The following SLC4A4 variants were observed in gnomAD, a reference collection of about 807,000 sequenced individuals.
The protein encoded by SLC4A4 is solute carrier family 4 member 4, also known as electrogenic sodium bicarbonate cotransporter 1.
SLC4A4 carries 27 observed loss-of-function variants against 111.5 expected under a neutral mutation model. The observed-to-expected ratio is 0.24, with a 90% CI of 0.18 to 0.33. The LOEUF (loss-of-function observed/expected upper bound fraction) is 0.33, where lower values mean the gene tolerates loss of function less well. SLC4A4 is among the 10% of genes least tolerant of loss of function. The pLI is 1.00. For synonymous variants in SLC4A4, 443 were observed against 463.4 expected, an observed-to-expected ratio of 0.96 and a Z score of 0.57; for missense variants, 909 against 1,315.5, an observed-to-expected ratio of 0.69 and a Z score of 4.78.
intron 2 of SLC4A4, among the ~76,000 whole-genome samples, chr4:71,111,211 G>A (rs12646876): frequency 0.73 from 110,416 of 152,082 alleles, 42,883 homozygotes; most frequent in Admixed American, 0.85. Context: ...CCTGTGTCCT[G>A]GGGAAATCTC....
At chr4:71,443,773 T>A (rs1724985898) in intron 8 of SLC4A4, among the ~76,000 whole-genome samples, 1 of 152,214 alleles carries the variant, frequency 6.6e-6, no homozygotes, top group South Asian at 2.1e-4. Context: ...TTAGTGGCAC[T>A]GTAAGATAAT....
At position 71,532,136 on chromosome 4, in the gene SLC4A4, C is replaced by A. The variant is rs145593845; in HGVS notation, c.2241C>A (p.Gly747=). The A allele has an allele frequency of 2.2e-5, 35 of 1,612,260 alleles. No individual in the cohort carries two copies. In the African/African-American group the frequency reaches 4.4e-4, roughly 20 times the overall value. Reference sequence around the variant, plus strand: ...TTTGTGTAATAGATGCCCTAGTAGGCGTGGACACCCCAAAACTAATTGTGC... The same window carrying A: ...TTTGTGTAATAGATGCCCTAGTAGGAGTGGACACCCCAAAACTAATTGTGC... ...LIFCVIDALV[G]VDTPKLIVPS... The change falls in exon 17 of 26, where the codon GGC becomes GGA. Residue 747 remains glycine, a synonymous_variant. Transcript: ENST00000264485.
intron 1 of SLC4A4, among the ~76,000 whole-genome samples, chr4:71,199,765 T>C (rs1284095486): frequency 1.3e-5 from 2 of 152,088 alleles, no homozygotes; most frequent in Non-Finnish European, 2.9e-5. Context: ...GTTCTCCTGC[T>C]TCAGCCTCCT....
intron 8 of SLC4A4, 143 bp from the exon 9 acceptor site, chr4:71,447,503 T>A (rs1725346728): frequency 1.4e-6 from 1 of 693,796 alleles, no homozygotes; most frequent in Non-Finnish European, 2.7e-6. Flanking sequence ...TATTCTGTAC[T>A]ACCAATAATA....
intron 2 of SLC4A4, among the ~76,000 whole-genome samples, chr4:71,167,915 C>T (rs72850627): frequency 0.035 from 5,344 of 152,072 alleles, 312 homozygotes; most frequent in African/African-American, 0.12. Context: ...ATCTTCAGTC[C>T]TCACCCCTGC....
intron 6 of SLC4A4, among the ~76,000 whole-genome samples, chr4:71,377,020 G>A (rs529314819): frequency 6.6e-6 from 1 of 152,292 alleles, no homozygotes; most frequent in African/African-American, 2.4e-5. Flanking sequence ...TGAAAGTATA[G>A]TTGTTTTTCA....
At chr4:71,379,001 C>T (rs529089635) in intron 6 of SLC4A4, among the ~76,000 whole-genome samples, 2 of 152,288 alleles carry the variant, frequency 1.3e-5, no homozygotes, top group South Asian at 4.1e-4. Flanking sequence ...TATTCCCACC[C>T]TTCCTTGACT....
At chr4:71,554,836 G>C (rs1736332012) in intron 20 of SLC4A4, among the ~76,000 whole-genome samples, 1 of 151,328 alleles carries the variant, frequency 6.6e-6, no homozygotes, top group African/African-American at 2.4e-5. Flanking sequence ...TCCTTTTCAG[G>C]GTGAAGGGAA....
intron 7 of SLC4A4, among the ~76,000 whole-genome samples, chr4:71,399,753 T>A (rs1024864411): frequency 1.3e-5 from 2 of 152,044 alleles, no homozygotes; most frequent in Non-Finnish European, 2.9e-5. Flanking sequence ...ATTTATTCAT[T>A]TGTGTTCCCC....
intron 2 of SLC4A4, among the ~76,000 whole-genome samples, chr4:71,142,648 G>C (rs1477283827): frequency 1.3e-5 from 2 of 151,962 alleles, no homozygotes; most frequent in Non-Finnish European, 2.9e-5. Context: ...CTGAGTCTTC[G>C]GCTTTTTGCA....
At chr4:71,464,213 G>T (rs1577967559) in intron 12 of SLC4A4, among the ~76,000 whole-genome samples, 2 of 152,204 alleles carry the variant, frequency 1.3e-5, no homozygotes, top group Non-Finnish European at 1.5e-5. Context: ...CTTACCAGGG[G>T]TGAAGTCTGG....
At chr4:71,134,770 T>G (rs1578511690) in intron 2 of SLC4A4, among the ~76,000 whole-genome samples, 1 of 152,244 alleles carries the variant, frequency 6.6e-6, no homozygotes, top group East Asian at 1.9e-4. Context: ...AAGGCTGTAC[T>G]AGTCCACAGG....
At chr4:71,550,904 T>C (rs917282723) in intron 20 of SLC4A4, among the ~76,000 whole-genome samples, 1 of 151,884 alleles carries the variant, frequency 6.6e-6, no homozygotes, top group Non-Finnish European at 1.5e-5. Flanking sequence ...AATTACAGTT[T>C]TAAGTTCACG....
At chr4:71,347,720 G>GCAGTA (rs1271928429) in intron 4 of SLC4A4, among the ~76,000 whole-genome samples, 1 of 152,028 alleles carries the variant, frequency 6.6e-6, no homozygotes, top group African/African-American at 2.4e-5. Context: ...AATAGAATTG[G>GCAGTA]CAGTACAGGC....
intron 1 of SLC4A4, among the ~76,000 whole-genome samples, chr4:71,074,825 A>G (rs1741763203): frequency 6.6e-6 from 1 of 152,258 alleles, no homozygotes; most frequent in Non-Finnish European, 1.5e-5. Flanking sequence ...TGAGTTGCTC[A>G]GCAGGGACTG....
At chr4:71,536,702 G>A (rs1273884871) in intron 18 of SLC4A4, among the ~76,000 whole-genome samples, 1 of 150,106 alleles carries the variant, frequency 6.7e-6, no homozygotes, top group Non-Finnish European at 1.5e-5. Flanking sequence ...TGCCATGTTG[G>A]TCAGGCTGGT....
At chr4:71,278,572 A>G (rs1723253248) in intron 3 of SLC4A4, among the ~76,000 whole-genome samples, 1 of 152,166 alleles carries the variant, frequency 6.6e-6, no homozygotes, top group Admixed American at 6.5e-5. Flanking sequence ...ACCAATGTCT[A>G]AGGGTTCCCT....
chr4:71,315,779 G>A (rs1726632041), intron 3 of SLC4A4, among the ~76,000 whole-genome samples: 1 of 152,098 alleles, frequency 6.6e-6, no homozygotes, highest in Admixed American at 6.6e-5. Flanking sequence ...TGATTAAAGT[G>A]TTGAAGAACA....
chr4:71,482,792 T>G (rs1052144411), intron 14 of SLC4A4, among the ~76,000 whole-genome samples: 3 of 151,540 alleles, frequency 2.0e-5, no homozygotes, highest in Admixed American at 6.6e-5. Flanking sequence ...GCAAGTACTA[T>G]CTCATCTTGA....
Sources: allele counts gnomAD v4.1 joint callset (sites outside exome capture counted in the v4.1 genomes callset), GRCh38; gene constraint gnomAD v4.1.1; transcripts MANE v1.5; gene names NCBI Gene and HGNC (gene_info 2026-07-23, HGNC 2026-07-21).